Variants in SUPT5H observed in about 807,000 individuals in gnomAD.
SUPT5H encodes transcription elongation factor SPT5.
A neutral mutation model predicts 142.5 loss-of-function variants in SUPT5H; 24 were observed. The ratio of observed to expected loss-of-function variants is 0.17; its 90% CI spans 0.12 to 0.24. The LOEUF is 0.24. Ranked by LOEUF, SUPT5H falls within the 10% of genes least tolerant of loss-of-function variation. The probability of loss-of-function intolerance (pLI) is 1.00; values close to 1 mark genes in which losing one functional copy is unlikely to be tolerated. For synonymous variants in SUPT5H, 546 were observed against 553.0 expected (o/e 0.99, Z 0.18); for missense variants, 893 against 1,471.8 (o/e 0.61, Z 6.43).
rs989245934 is a variant in SUPT5H, at chr19:39,456,188, A to G, written c.242-1487A>G. Among the ~76,000 whole-genome samples the G allele has an allele frequency of 5.3e-5, 8 of 150,712 alleles. No homozygotes were observed. The East Asian group carries it at 1.4e-3, about 26-fold the overall frequency. On this transcript the variant is annotated intron_variant, in intron 3 of 29. Coordinates refer to ENST00000432763, the MANE Select transcript of SUPT5H (RefSeq NM_001111020.3). ...CATCTCGGCCTCCCAAAGTGCGGGG[A>G]TTATAAGCATGAGCCATTGTGCCCA... is the stretch of plus-strand genomic sequence containing the variant.
chr19:39,453,209 C>CA, intron 2 of SUPT5H, 147 bp from the exon 3 acceptor site: 1 of 900,582 alleles, frequency 1.1e-6, no homozygotes, highest in African/African-American at 1.7e-5. Flanking sequence ...CCAGAGAGGC[C>CA]AGGCTAGAGT....
In SUPT5H at chr19:39,469,150, G is replaced by A; in HGVS notation, c.1215G>A (p.Leu405=). Residue 405 remains leucine, a synonymous_variant, in exon 15 of 30, where the codon CTG becomes CTA. Transcript: ENST00000432763. This position sits in a 1 kb window ranked among gnomAD's most constrained non-coding sequence, Gnocchi z 5.1. Reference sequence around the variant, plus strand: ...AGGACCAGCCAGAGGGCATTGACCTGGAGGTGGTGACTGAGAGCACAGGTA... The same window carrying A: ...AGGACCAGCCAGAGGGCATTGACCTAGAGGTGGTGACTGAGAGCACAGGTA... ...KFEDQPEGID[L]EVVTESTGKE... is the part of the protein sequence containing the mutation. 1 of 1,614,240 alleles carries A rather than the reference G, an allele frequency of 6.2e-7. No homozygotes were observed. Among genetic ancestry groups the A allele is most frequent in the Non-Finnish European group, 8.5e-7 (1 of 1,180,032 alleles).
chr19:39,472,679 G>A lies in SUPT5H; in HGVS notation c.2036-131G>A. 1.4e-6 allele frequency: 2 copies of A among 1,442,790 alleles called. No individual in the cohort carries two copies. The highest frequency in any genetic ancestry group is 1.8e-6 in the Non-Finnish European group (2 of 1,083,250). The allele number at this position is 1,442,790 out of a possible 1,614,324, so 89.4% of individuals were successfully genotyped here. Reference sequence around the variant, plus strand: ...GTCAGGGCTTCCATAGGAAAGCCATGGGGCAGGGGTGGGCAGAGGAGGCTC... The same window carrying A: ...GTCAGGGCTTCCATAGGAAAGCCATAGGGCAGGGGTGGGCAGAGGAGGCTC... On this transcript the variant is annotated intron_variant, in intron 21 of 29. Coordinates refer to ENST00000432763, the MANE Select transcript of SUPT5H (RefSeq NM_001111020.3). The surrounding 1 kb of genome is among the most constrained non-coding windows in gnomAD (Gnocchi z 4.2).
At chr19:39,465,097 C>A (rs1187779597) in intron 11 of SUPT5H, 48 bp downstream of exon 11, 4 of 1,572,410 alleles carry the variant, frequency 2.5e-6, no homozygotes, top group Non-Finnish European at 3.5e-6. Context: ...CCATTCTGTT[C>A]TCCCTTCCTT....
At chr19:39,467,513 A>G (rs2079258575) in intron 13 of SUPT5H, 1 of 152,238 alleles carries the variant, frequency 6.6e-6, no homozygotes, top group Non-Finnish European at 1.5e-5. Context: ...ATATATTGAA[A>G]TGGGATTCAT....
intron 2 of SUPT5H, among the ~76,000 whole-genome samples, chr19:39,450,990 A>G (rs73035410): frequency 0.024 from 3,612 of 152,324 alleles, 75 homozygotes; most frequent in Non-Finnish European, 0.04. Context: ...GAAACATTGC[A>G]TAATATAAAA....
rs1947912165 is a variant in SUPT5H, at chr19:39,458,626, C to T, written c.320-192C>T. 2.8e-6 allele frequency: 2 copies of T among 713,662 alleles called. No individual in the cohort carries two copies. Among genetic ancestry groups the T allele is most frequent in the Admixed American group, 3.0e-5 (1 of 33,700 alleles). The allele number at this position is 713,662 out of a possible 1,614,324, so 44.2% of individuals were successfully genotyped here. On this transcript the variant is annotated intron_variant, in intron 5 of 29. Coordinates refer to ENST00000432763, the MANE Select transcript of SUPT5H (RefSeq NM_001111020.3). This position sits in a 1 kb window ranked among gnomAD's most constrained non-coding sequence, Gnocchi z 4.2. ...CCCCCCAACTTGCTGGGCCCCATCC[C>T]CAGTCTTTTTGACAAGAAGCAGGAT...
intron 2 of SUPT5H, among the ~76,000 whole-genome samples, chr19:39,446,253 C>G (rs770794531): frequency 6.6e-6 from 1 of 151,964 alleles, no homozygotes; most frequent in Non-Finnish European, 1.5e-5. Flanking sequence ...TATGTCTAGT[C>G]ATTCCATAAC....
At chr19:39,447,445 A>G (rs1328713562) in intron 2 of SUPT5H, among the ~76,000 whole-genome samples, 1 of 132,458 alleles carries the variant, frequency 7.5e-6, no homozygotes, top group Non-Finnish European at 1.6e-5. Flanking sequence ...TTTATTTGCC[A>G]TTATCTTTTT....
At position 39,446,390 on chromosome 19, in the gene SUPT5H, A is replaced by G. The variant is rs541577513; in HGVS notation, c.75+425A>G. Among the ~76,000 whole-genome samples, 11 of 152,366 alleles carry G rather than the reference A, an allele frequency of 7.2e-5. No individual in the cohort carries two copies. The South Asian group carries it at 1.7e-3, about 23-fold the overall frequency. On this transcript the variant is annotated intron_variant, in intron 2 of 29. Coordinates refer to ENST00000432763, the MANE Select transcript of SUPT5H (RefSeq NM_001111020.3). ...TAAATATAGCCAAGGAATAAACTAT[A>G]TAGTAAGCTGGAAGGTACTCTGGAG...
Position 39,455,954 on chromosome 19 carries a change from G to A in SUPT5H, c.242-1721G>A, listed in dbSNP as rs1272352397. Among the ~76,000 whole-genome samples the A allele has an allele frequency of 4.4e-5, 6 of 136,818 alleles. No individual in the cohort carries two copies. In the East Asian group the frequency reaches 6.4e-4, roughly 15 times the overall value. The allele number at this position is 136,818 out of a possible 152,430, so 89.8% of individuals were successfully genotyped here. ...TTTTTTTTTTTTTTTTTTTTAAGAC[G>A]GAGTTTCTCTTGCCCACCCTGGAGT... On this transcript the variant is annotated intron_variant, in intron 3 of 29. Transcript: ENST00000432763.
In SUPT5H at chr19:39,474,601, C is replaced by T. The variant is rs1346827139; in HGVS notation, c.2907C>T (p.Gly969=). The change falls in exon 28 of 30, where the codon GGC becomes GGT. Residue 969 remains glycine, a synonymous_variant. Coordinates refer to ENST00000432763, the MANE Select transcript of SUPT5H (RefSeq NM_001111020.3). The surrounding 1 kb of genome is among the most constrained non-coding windows in gnomAD (Gnocchi z 6.5). ...GTGGCTACAACCCACACACGCCAGG[C>T]TCAGGCATCGAGCAGAACTCCAGCG... is the stretch of plus-strand genomic sequence containing the variant. The part of the protein sequence containing the change: ...SPGGYNPHTP[G]SGIEQNSSDW... 1 of 1,614,262 alleles carries T rather than the reference C, an allele frequency of 6.2e-7. No individual in the cohort carries two copies. The highest frequency in any genetic ancestry group is 8.5e-7 in the Non-Finnish European group (1 of 1,180,048).
intron 2 of SUPT5H, among the ~76,000 whole-genome samples, chr19:39,449,091 A>G (rs1307625799): frequency 6.6e-6 from 1 of 151,048 alleles, no homozygotes; most frequent in African/African-American, 2.4e-5. Context: ...CTGCATCTCA[A>G]AAAACAAAAA....
Position 39,466,426 on chromosome 19 carries a change from C to T in SUPT5H, c.877-54C>T. 1 of 1,510,784 alleles carries T rather than the reference C, an allele frequency of 6.6e-7. No individual in the cohort carries two copies. The highest frequency in any genetic ancestry group is 1.1e-5 in the South Asian group (1 of 88,706). 93.6% of individuals were successfully genotyped at this position (1,510,784 alleles called of 1,614,324 possible). ...TAGCATCTCCTGACCCTTCTTGTGT[C>T]TGGGGTCAGGGAGGAGAGTGGGGCC... On this transcript the variant is annotated intron_variant, in intron 11 of 29. Transcript: ENST00000432763. The surrounding 1 kb of genome is among the most constrained non-coding windows in gnomAD (Gnocchi z 4.3).
chr19:39,446,288 C>G (rs1010818949), intron 2 of SUPT5H, among the ~76,000 whole-genome samples: 1 of 151,790 alleles, frequency 6.6e-6, no homozygotes, highest in Admixed American at 6.6e-5. Context: ...CTACTATGTA[C>G]CAGGCGCAAT....
chr19:39,474,960 G>A lies in SUPT5H; in HGVS notation c.3024+242G>A, dbSNP rs80184600. 1,309 of 579,902 alleles carry A rather than the reference G, an allele frequency of 2.3e-3. 13 individuals carry two copies. The highest frequency in any genetic ancestry group is 0.021 in the African/African-American group (1,136 of 53,590). The allele number at this position is 579,902 out of a possible 1,614,324, so 35.9% of individuals were successfully genotyped here. On this transcript the variant is annotated intron_variant, in intron 28 of 29. Coordinates refer to ENST00000432763, the MANE Select transcript of SUPT5H (RefSeq NM_001111020.3). The surrounding 1 kb of genome is among the most constrained non-coding windows in gnomAD (Gnocchi z 6.5). Reference sequence around the variant, plus strand: ...GCCAAGACCTGACAAATGAATAGGAGTAAGCTAAGGAAAGTGACTGGGGTG... The same window carrying A: ...GCCAAGACCTGACAAATGAATAGGAATAAGCTAAGGAAAGTGACTGGGGTG...
At chr19:39,457,651 T>C in intron 3 of SUPT5H, 24 bp from the exon 4 acceptor site, 1 of 1,611,288 alleles carries the variant, frequency 6.2e-7, no homozygotes, top group Non-Finnish European at 8.5e-7. Flanking sequence ...CTTTGCCACT[T>C]ACCACTTGGC....
intron 3 of SUPT5H, among the ~76,000 whole-genome samples, 178 bp from the exon 4 acceptor site, chr19:39,457,497 T>G (rs368409385): frequency 7.9e-5 from 12 of 152,216 alleles, no homozygotes; most frequent in African/African-American, 1.4e-4. Context: ...CCCTCGATCC[T>G]GATGCGTGCA....
Position 39,476,248 on chromosome 19 carries a change from ACC to A in SUPT5H, c.3121-4_3121-3del. ...CATGGACCCTGACCATATTCCCCCC[ACC>A]CCCAGGTGAAAGTGATCCTGGGCGA... is the stretch of plus-strand genomic sequence containing the variant. On this transcript the variant is annotated splice_region_variant and splice_polypyrimidine_tract_variant and intron_variant, in intron 29 of 29. Transcript: ENST00000432763. 6.2e-7 allele frequency: 1 copy of A among 1,613,366 alleles called. No homozygotes were observed. The highest frequency in any genetic ancestry group is 8.5e-7 in the Non-Finnish European group (1 of 1,179,824).
Sources: allele counts gnomAD v4.1 joint callset (sites outside exome capture counted in the v4.1 genomes callset), GRCh38; gene constraint gnomAD v4.1.1; non-coding constraint Gnocchi (gnomAD v3.1); transcripts MANE v1.5; gene names NCBI Gene and HGNC (gene_info 2026-07-23, HGNC 2026-07-21).